ABCB11: variants seen among roughly 807,000 people sequenced by gnomAD.
ABCB11 encodes bile salt export pump.
In ABCB11, 95 loss-of-function variants were observed where a neutral mutation model predicts 148.0. The ratio of observed to expected loss-of-function variants is 0.64; its 90% CI spans 0.54 to 0.76. The LOEUF is 0.76. Ranked by LOEUF, ABCB11 falls within the 30% of genes least tolerant of loss-of-function variation. The pLI is 0.00. For missense variants in ABCB11, 1,523 were observed against 1,617.8 expected, an observed-to-expected ratio of 0.94 and a Z score of 1.01; for synonymous variants, 591 against 555.4, an observed-to-expected ratio of 1.06 and a Z score of -0.90.
rs191441282 is a variant in ABCB11, at chr2:168,961,283, C to T, written c.2178+2923G>A. Among the ~76,000 whole-genome samples the T allele has an allele frequency of 7.8e-4, 118 of 151,852 alleles. 1 individual carries two copies. In the Middle Eastern group the frequency reaches 0.017, roughly 22 times the overall value. The stretch of plus-strand genomic sequence containing the variant: ...ATAACCTCCGACTTAAATCTTAGGT[C>T]TTGCTTTCTATACTTTGTTACACTA... On this transcript the variant is annotated intron_variant, in intron 18 of 27. Coordinates refer to ENST00000650372, the MANE Select transcript of ABCB11 (RefSeq NM_003742.4).
chr2:168,923,308 T>C lies in ABCB11; in HGVS notation c.*314A>G. 1 of 408,730 alleles carries C rather than the reference T, an allele frequency of 2.4e-6. No individual in the cohort carries two copies. The highest frequency in any genetic ancestry group is 4.4e-5 in the East Asian group (1 of 22,510). 25.3% of individuals were successfully genotyped at this position (408,730 alleles called of 1,614,324 possible). ...CCCTGATGTCTCACTAATTCCCACA[T>C]ATTAATCAGGACTGGCTCCTGCACA... On this transcript the variant is annotated 3_prime_UTR_variant, in exon 28 of 28. Coordinates refer to ENST00000650372, the MANE Select transcript of ABCB11 (RefSeq NM_003742.4).
intron 12 of ABCB11, among the ~76,000 whole-genome samples, chr2:168,974,066 C>G (rs1558899224): frequency 6.6e-6 from 1 of 151,940 alleles, no homozygotes; most frequent in East Asian, 1.9e-4. Flanking sequence ...TAACTGAGAG[C>G]CATGACCAAG....
At chr2:168,964,701 G>A (rs1464570539) in intron 17 of ABCB11, among the ~76,000 whole-genome samples, 1 of 151,810 alleles carries the variant, frequency 6.6e-6, no homozygotes, top group African/African-American at 2.4e-5. Context: ...GGCTTAGATT[G>A]TGGTCTTGAT....
chr2:168,939,347 C>T (rs1691965450), intron 21 of ABCB11, among the ~76,000 whole-genome samples: 1 of 151,970 alleles, frequency 6.6e-6, no homozygotes, highest in Non-Finnish European at 1.5e-5. Flanking sequence ...AAAACATTTG[C>T]TTACTATTAT....
chr2:169,024,549 G>A (rs546688737), intron 1 of ABCB11, among the ~76,000 whole-genome samples: 10 of 71,688 alleles, frequency 1.4e-4, no homozygotes, highest in East Asian at 3.2e-4. Flanking sequence ...TAGTATTAAC[G>A]TACCAATGTG....
chr2:168,976,841 A>G (rs1278747374), intron 11 of ABCB11, among the ~76,000 whole-genome samples, 154 bp from the exon 12 acceptor site: 1 of 151,488 alleles, frequency 6.6e-6, no homozygotes, highest in East Asian at 2.0e-4. Context: ...ATGAAGATGT[A>G]TACATTTATT....
intron 18 of ABCB11, among the ~76,000 whole-genome samples, chr2:168,960,943 T>A (rs996750012): frequency 1.3e-5 from 2 of 149,872 alleles, no homozygotes; most frequent in Non-Finnish European, 3.0e-5. Context: ...ACTTCTATTG[T>A]AGCACTGGCA....
At chr2:168,938,397 T>G (rs1054718464) in intron 21 of ABCB11, among the ~76,000 whole-genome samples, 3 of 152,180 alleles carry the variant, frequency 2.0e-5, no homozygotes, top group Non-Finnish European at 4.4e-5. Flanking sequence ...AAAAACATCA[T>G]GTTATGTGAA....
At chr2:168,945,819 C>A (rs862662) in intron 19 of ABCB11, among the ~76,000 whole-genome samples, 87,421 of 151,404 alleles carry the variant, frequency 0.58, 25,425 homozygotes, top group South Asian at 0.69. Context: ...GTTTTATAGA[C>A]TATACAGCAT....
chr2:168,999,279 CT>C (rs369370665), intron 5 of ABCB11, among the ~76,000 whole-genome samples: 10,620 of 145,642 alleles, frequency 0.073, 863 homozygotes, highest in African/African-American at 0.2. Flanking sequence ...AACTTTTTAC[CT>C]TTTTTTTTTT....
chr2:168,983,955 G>A (rs997918505), intron 10 of ABCB11, among the ~76,000 whole-genome samples: 3 of 152,158 alleles, frequency 2.0e-5, no homozygotes, highest in South Asian at 2.1e-4. Flanking sequence ...GTAGAAACGG[G>A]TGGGCACAAG....
At chr2:169,019,980 G>T (rs1036271866) in intron 1 of ABCB11, among the ~76,000 whole-genome samples, 2 of 152,102 alleles carry the variant, frequency 1.3e-5, no homozygotes, top group Non-Finnish European at 2.9e-5. Context: ...TATCCAGAAG[G>T]GAGCCATGAA....
intron 12 of ABCB11, 48 bp downstream of exon 12, chr2:168,976,529 A>G (rs1574458633): frequency 1.8e-6 from 2 of 1,138,766 alleles, no homozygotes. Flanking sequence ...CAAATAAATC[A>G]TCGAAGAAGA....
chr2:168,971,748 T>C (rs113381530), intron 14 of ABCB11, 99 bp downstream of exon 14: 7 of 1,132,070 alleles, frequency 6.2e-6, no homozygotes, highest in Non-Finnish European at 1.3e-6. Flanking sequence ...AAGAATTTAA[T>C]GACTTGGGAA....
Position 168,930,645 on chromosome 2 carries a change from A to G in ABCB11, c.3411+20T>C. ...ATACTCTGCAGAAGGCAAAATTCTC[A>G]AAAAGGTTGCGTGGCTTACCACCTT... On this transcript the variant is annotated intron_variant, in intron 25 of 27. Transcript: ENST00000650372. 1 of 1,472,312 alleles carries G rather than the reference A, an allele frequency of 6.8e-7. No homozygotes were observed. The highest frequency in any genetic ancestry group is 2.4e-5 in the East Asian group (1 of 42,114). The allele number at this position is 1,472,312 out of a possible 1,614,324, so 91.2% of individuals were successfully genotyped here.
At chr2:168,941,347 G>A (rs1337005459) in intron 21 of ABCB11, among the ~76,000 whole-genome samples, 1 of 151,944 alleles carries the variant, frequency 6.6e-6, no homozygotes, top group South Asian at 2.1e-4. Flanking sequence ...ATTCATGGGA[G>A]GAGGTCAGAA....
chr2:169,002,027 A>G (rs1694889583), intron 5 of ABCB11, among the ~76,000 whole-genome samples: 1 of 152,202 alleles, frequency 6.6e-6, no homozygotes, highest in Admixed American at 6.5e-5. Flanking sequence ...CAGGAGACAC[A>G]CTTTAGATCC....
chr2:168,925,630 C>T (rs1333764615), intron 26 of ABCB11, among the ~76,000 whole-genome samples: 1 of 152,208 alleles, frequency 6.6e-6, no homozygotes, highest in African/African-American at 2.4e-5. Context: ...GTGAATCTTG[C>T]TCTCCTCTAA....
intron 2 of ABCB11, among the ~76,000 whole-genome samples, chr2:169,017,691 G>A (rs1039950413): frequency 8.5e-5 from 13 of 152,104 alleles, no homozygotes; most frequent in Admixed American, 8.5e-4. Flanking sequence ...GGTCTGCAGA[G>A]TCTGGGCACA....
Sources: allele counts gnomAD v4.1 joint callset (sites outside exome capture counted in the v4.1 genomes callset), GRCh38; gene constraint gnomAD v4.1.1; transcripts MANE v1.5; gene names NCBI Gene and HGNC (gene_info 2026-07-23, HGNC 2026-07-21).